PSMA3: variants seen among roughly 807,000 people sequenced by gnomAD.
PSMA3 encodes proteasome 20S subunit alpha 3, also known as proteasome subunit alpha type-3.
A neutral mutation model predicts 40.0 loss-of-function variants in PSMA3; 8 were observed. The observed-to-expected ratio is 0.20, with a 90% CI of 0.12 to 0.36. The LOEUF is 0.36. Among genes scored for constraint, PSMA3 ranks in the 10% least tolerant of loss-of-function variants. The pLI is 1.00. For synonymous variants in PSMA3, 110 were observed against 100.0 expected, an observed-to-expected ratio of 1.10 and a Z score of -0.59; for missense variants, 219 against 310.6, an observed-to-expected ratio of 0.70 and a Z score of 2.22.
At chr14:58,253,872 G>T (rs1890073590) in intron 3 of PSMA3, among the ~76,000 whole-genome samples, 1 of 152,226 alleles carries the variant, frequency 6.6e-6, no homozygotes, top group Non-Finnish European at 1.5e-5. Context: ...GGGATTATAG[G>T]CGTGAGCCAG....
At chr14:58,252,385 C>T (rs1249059483) in intron 3 of PSMA3, 143 bp downstream of exon 3, 2 of 1,123,058 alleles carry the variant, frequency 1.8e-6, no homozygotes, top group Non-Finnish European at 2.4e-6. Flanking sequence ...AGAAAGGCAG[C>T]ATTCTCATAA....
In PSMA3 at chr14:58,244,881, CG is replaced by C. The variant is rs760127797; in HGVS notation, c.-37del. On this transcript the variant is annotated 5_prime_UTR_variant, in exon 1 of 11. Transcript: ENST00000216455. ...ATCCTGTGGTATAGGGGAAGCGCTC[CG>C]GGCCTGGAATCCCTACGCGTCCCTT... 5 of 1,614,142 alleles carry C rather than the reference CG, an allele frequency of 3.1e-6. No homozygotes were observed. In the East Asian group the frequency reaches 1.1e-4, roughly 36 times the overall value.
intron 7 of PSMA3, chr14:58,264,684 T>G (rs1007631794): frequency 2.0e-5 from 3 of 152,248 alleles, no homozygotes; most frequent in Non-Finnish European, 4.4e-5. Context: ...TTGGCATTTA[T>G]ACAATGCTAA....
At chr14:58,246,599 A>G (rs2049934815) in intron 1 of PSMA3, among the ~76,000 whole-genome samples, 1 of 152,112 alleles carries the variant, frequency 6.6e-6, no homozygotes. Context: ...AGGTTTCACC[A>G]TGTTGGCCAG....
Position 58,271,944 on chromosome 14 carries a change from G to A in PSMA3, c.*49G>A, listed in dbSNP as rs781536265. Reference sequence around the variant, plus strand: ...TTTTAAATTTCTACTCCAGTCCAATGTAACTATTTAGCCCTGGATTATACA... The same window carrying A: ...TTTTAAATTTCTACTCCAGTCCAATATAACTATTTAGCCCTGGATTATACA... On this transcript the variant is annotated 3_prime_UTR_variant, in exon 11 of 11. Transcript: ENST00000216455. 12 of 1,358,624 alleles carry A rather than the reference G, an allele frequency of 8.8e-6. No homozygotes were observed. In the South Asian group the frequency reaches 1.3e-4, roughly 15 times the overall value. The allele number at this position is 1,358,624 out of a possible 1,614,324, so 84.2% of individuals were successfully genotyped here.
intron 3 of PSMA3, among the ~76,000 whole-genome samples, chr14:58,256,681 G>C (rs1340959523): frequency 6.6e-6 from 1 of 151,646 alleles, no homozygotes; most frequent in Non-Finnish European, 1.5e-5. Flanking sequence ...CAAAGTGCTG[G>C]GATTACAGGT....
chr14:58,268,143 G>A (rs991618717), intron 8 of PSMA3: 1 of 152,188 alleles, frequency 6.6e-6, no homozygotes, highest in African/African-American at 2.4e-5. Flanking sequence ...AACCTGGGTA[G>A]TGATGTTTCT....
intron 5 of PSMA3, chr14:58,258,479 A>G (rs943194005): frequency 6.6e-6 from 1 of 151,264 alleles, no homozygotes; most frequent in African/African-American, 2.4e-5. Flanking sequence ...AATAGTGAAA[A>G]GGACTATATA....
At chr14:58,263,377 A>G in intron 6 of PSMA3, 1 of 173,816 alleles carries the variant, frequency 5.8e-6, no homozygotes, top group Non-Finnish European at 1.2e-5. Flanking sequence ...TCTGTCTCTC[A>G]GGAATATATA....
chr14:58,254,336 A>G (rs143222176), intron 3 of PSMA3, among the ~76,000 whole-genome samples: 11 of 15,416 alleles, frequency 7.1e-4, no homozygotes, highest in Non-Finnish European at 1.5e-3. Flanking sequence ...ATGCATGCAT[A>G]TATATATGTA....
intron 3 of PSMA3, among the ~76,000 whole-genome samples, chr14:58,256,929 G>C (rs1157718596): frequency 1.3e-5 from 2 of 149,136 alleles, no homozygotes; most frequent in African/African-American, 4.9e-5. Flanking sequence ...GACCAGCCTG[G>C]CCAACATGAC....
At chr14:58,264,105 C>A (rs917511419) in intron 7 of PSMA3, among the ~76,000 whole-genome samples, 3 of 152,182 alleles carry the variant, frequency 2.0e-5, no homozygotes, top group African/African-American at 7.2e-5. Context: ...TTGTGTTATA[C>A]ATCCCTTTAT....
At chr14:58,267,228 C>T (rs939903764) in intron 7 of PSMA3, 13 of 435,240 alleles carry the variant, frequency 3.0e-5, no homozygotes, top group Non-Finnish European at 6.4e-6. Context: ...TCTCGAACTT[C>T]TGACTTCAGG....
intron 6 of PSMA3, 51 bp downstream of exon 6, chr14:58,261,071 A>G: frequency 8.0e-7 from 1 of 1,247,874 alleles, no homozygotes; most frequent in Non-Finnish European, 1.2e-6. Flanking sequence ...ATGGTATTTC[A>G]TTAGCATTTA....
chr14:58,265,750 A>G (rs1010676477), intron 7 of PSMA3: 1 of 152,216 alleles, frequency 6.6e-6, no homozygotes, highest in African/African-American at 2.4e-5. Context: ...TTAGGATGCA[A>G]TTAATTCACT....
chr14:58,258,268 T>C (rs1890194689), intron 5 of PSMA3: 1 of 324,682 alleles, frequency 3.1e-6, no homozygotes, highest in Non-Finnish European at 5.8e-6. Context: ...TGAGAACCTA[T>C]CTCTACAAAA....
rs1566641909 is a variant in PSMA3 at position 58,261,020 on chromosome 14, CGTGA to C, written c.477+3_477+6del. Reference sequence around the variant, plus strand: ...TGATTGACCCATCAGGTGTTTCATACGTGAGTAATTTTGAATCATTTGAAATTCT... The same window carrying C: ...TGATTGACCCATCAGGTGTTTCATACGTAATTTTGAATCATTTGAAATTCT... On this transcript the variant is annotated splice_donor_variant and splice_donor_region_variant and intron_variant, in intron 6 of 10. Transcript: ENST00000216455. LOFTEE classifies it high-confidence loss of function. The C allele has an allele frequency of 6.3e-7, 1 of 1,594,066 alleles. No homozygotes were observed.
At chr14:58,265,552 A>G (rs943262385) in intron 7 of PSMA3, 2 of 152,242 alleles carry the variant, frequency 1.3e-5, no homozygotes, top group African/African-American at 4.8e-5. Flanking sequence ...AACAGGGAAC[A>G]GAAACCAGAG....
At chr14:58,265,254 C>A (rs1038462981) in intron 7 of PSMA3, 12 of 151,944 alleles carry the variant, frequency 7.9e-5, no homozygotes, top group African/African-American at 2.9e-4. Context: ...CAGAGCGACA[C>A]CTTATCTCAA....
Sources: gnomAD v4.1 joint callset for allele counts (sites outside exome capture counted in the v4.1 genomes callset) on GRCh38, gnomAD v4.1.1 for gene constraint, MANE v1.5 for transcripts, NCBI Gene and HGNC (gene_info 2026-07-23, HGNC 2026-07-21) for gene names.